Variants in MYO19 observed in about 807,000 individuals in gnomAD.
MYO19 encodes myosin XIX.
Under a neutral mutation model 129.2 loss-of-function variants are expected in MYO19, and 132 were observed. The ratio of observed to expected loss-of-function variants is 1.02; its 90% CI spans 0.89 to 1.18. The LOEUF (loss-of-function observed/expected upper bound fraction) is 1.18. MYO19 is among the 50% of genes most tolerant of loss of function. The pLI is 0.00. For missense variants in MYO19, 1,210 were observed against 1,216.7 expected (o/e 0.99, Z 0.08); for synonymous variants, 531 against 477.2 (o/e 1.11, Z -1.47).
At chr17:36,543,658 CTT>C (rs909416823), upstream of MYO19, among the ~76,000 whole-genome samples, 2 of 152,096 alleles carry the variant, frequency 1.3e-5, no homozygotes, top group African/African-American at 2.4e-5. Flanking sequence ...GAGTTTCGCT[CTT>C]GTTGCCCAGG....
chr17:36,520,294 T>A (rs761880342), intron 6 of MYO19, among the ~76,000 whole-genome samples: 12 of 152,220 alleles, frequency 7.9e-5, no homozygotes, highest in African/African-American at 1.2e-4. Flanking sequence ...TTTTTTCTTA[T>A]ATTTAGTTTT....
At chr17:36,542,881 GA>G (rs373183760) in intron 1 of MYO19, among the ~76,000 whole-genome samples, 60 of 150,616 alleles carry the variant, frequency 4.0e-4, no homozygotes, top group African/African-American at 1.3e-3. Context: ...ACGCCCAGCT[GA>G]TTTTTGTATT....
At chr17:36,528,041 C>T (rs752586812) in intron 4 of MYO19, 23 bp downstream of exon 4, 19 of 1,605,386 alleles carry the variant, frequency 1.2e-5, no homozygotes, top group Non-Finnish European at 1.5e-5. Flanking sequence ...AGATGATACT[C>T]CTGAGGAATG....
At chr17:36,497,034 G>A (rs1450738056) in intron 25 of MYO19, among the ~76,000 whole-genome samples, 1 of 152,040 alleles carries the variant, frequency 6.6e-6, no homozygotes, top group African/African-American at 2.4e-5. Context: ...TTCCCTGGAT[G>A]CTTATATAAA....
intron 11 of MYO19, chr17:36,513,173 C>A: frequency 7.1e-7 from 1 of 1,416,782 alleles, no homozygotes; most frequent in Non-Finnish European, 9.2e-7. Context: ...ACCTTGCTCT[C>A]TGCCCCCATG....
intron 6 of MYO19, among the ~76,000 whole-genome samples, chr17:36,524,450 A>G (rs1409818427): frequency 2.6e-5 from 4 of 152,218 alleles, no homozygotes; most frequent in Non-Finnish European, 5.9e-5. Context: ...GGAAAGGGCG[A>G]GGCAGCTGGG....
intron 6 of MYO19, among the ~76,000 whole-genome samples, chr17:36,516,234 T>A (rs2072739601): frequency 6.7e-6 from 1 of 149,668 alleles, no homozygotes; most frequent in Non-Finnish European, 1.5e-5. Flanking sequence ...GCTTTCTGTG[T>A]ATGTTTTTTT....
At chr17:36,500,986 C>T in intron 22 of MYO19, 27 bp from the exon 23 acceptor site, 3 of 1,607,218 alleles carry the variant, frequency 1.9e-6, no homozygotes, top group Non-Finnish European at 2.6e-6. Flanking sequence ...CCATTGAGGG[C>T]AGCCTCTTCT....
chr17:36,541,161 G>T (rs1027463815), intron 2 of MYO19, among the ~76,000 whole-genome samples: 11 of 151,680 alleles, frequency 7.3e-5, no homozygotes, highest in Non-Finnish European at 1.6e-4. Context: ...TAGCCAAGAT[G>T]GTCTGGATCT....
chr17:36,511,545 C>T (rs2142034231), intron 11 of MYO19, 90 bp from the exon 12 acceptor site: 2 of 1,158,812 alleles, frequency 1.7e-6, no homozygotes, highest in Non-Finnish European at 2.5e-6. Context: ...ACAATCACGA[C>T]AGCAGAAGGG....
intron 19 of MYO19, 81 bp downstream of exon 19, chr17:36,505,216 C>G: frequency 1.6e-6 from 2 of 1,241,326 alleles, no homozygotes; most frequent in Non-Finnish European, 2.4e-6. Context: ...CCATTTGGAA[C>G]AGATGTCCTG....
chr17:36,543,528 C>T (rs190019248), upstream of MYO19: 5 of 152,340 alleles, frequency 3.3e-5, no homozygotes, highest in East Asian at 9.7e-4. Flanking sequence ...ATGTCACCGA[C>T]CCTAACAATG....
chr17:36,524,340 A>T (rs2073330248), intron 6 of MYO19, among the ~76,000 whole-genome samples: 1 of 152,226 alleles, frequency 6.6e-6, no homozygotes. Flanking sequence ...CCAGAAGCCT[A>T]GAACCTGGCA....
At position 36,513,695 on chromosome 17, in the gene MYO19, G is replaced by C; in HGVS notation, c.751C>G (p.Leu251Val). The part of the protein sequence containing the change: ...ICKGASEDER[L>V]QWHLPEGAAF... ...GCTCCCTCAGGAAGGTGCCACTGGAGCCTCTCGTCCTCACTGGCTCCTTTG... is the reference window on the plus strand; with the variant it reads ...GCTCCCTCAGGAAGGTGCCACTGGACCCTCTCGTCCTCACTGGCTCCTTTG... Residue 251 changes from leucine (L) to valine (V), a missense_variant, in exon 10 of 26, where the codon CTC becomes GTC. By Grantham distance (32) the Leu-to-Val change is conservative. Coordinates refer to ENST00000614623, the MANE Select transcript of MYO19 (RefSeq NM_001163735.2). 1.9e-6 allele frequency: 3 copies of C among 1,613,864 alleles called. No individual in the cohort carries two copies. The highest frequency in any genetic ancestry group is 2.5e-6 in the Non-Finnish European group (3 of 1,179,838).
In MYO19 at chr17:36,506,507, T is replaced by C. The variant is rs1233779372; in HGVS notation, c.1746A>G (p.Glu582=). 1.2e-6 allele frequency: 2 copies of C among 1,610,174 alleles called. No individual in the cohort carries two copies. Among genetic ancestry groups the C allele is most frequent in the South Asian group, 2.2e-5 (2 of 90,644 alleles). ...PTNPKEKTQE[E]PPGQSRAPVL... is the part of the protein sequence containing the mutation. The stretch of plus-strand genomic sequence containing the variant: ...CAGGGGCCCTGCTCTGGCCAGGGGG[T>C]TCCTCCTGGGTCTTCTCTTTGGGGT... The change falls in exon 18 of 26, where the codon GAA becomes GAG. Residue 582 remains glutamate, a synonymous_variant. Coordinates refer to ENST00000614623, the MANE Select transcript of MYO19 (RefSeq NM_001163735.2).
rs556263769 is a variant in MYO19 at position 36,496,063 on chromosome 17, A to G, written c.*188T>C. 1 of 864,904 alleles carries G rather than the reference A, an allele frequency of 1.2e-6. No individual in the cohort carries two copies. 53.6% of individuals were successfully genotyped at this position (864,904 alleles called of 1,614,324 possible). On this transcript the variant is annotated 3_prime_UTR_variant, in exon 26 of 26. Transcript: ENST00000614623. ...CCAGCCCTGACACCATCAGTGCTTG[A>G]TGTAGCCTGGAACCCCAGGCCCACT... is the stretch of plus-strand genomic sequence containing the variant.
rs2071194838 is a variant in MYO19, at chr17:36,498,326, G to T, written c.2697C>A (p.Ser899Arg). The T allele has an allele frequency of 2.5e-6, 4 of 1,613,882 alleles. No individual in the cohort carries two copies. Among genetic ancestry groups the T allele is most frequent in the Middle Eastern group, 1.6e-4 (1 of 6,084 alleles). Reference sequence around the variant, plus strand: ...GGTCTTGTGCTGTCTGGACAGTGTAGCTACTGGGGCTGCCCCTGGGGAGCT... The same window carrying T: ...GGTCTTGTGCTGTCTGGACAGTGTATCTACTGGGGCTGCCCCTGGGGAGCT... ...CLQLPRGSPS[S>R]YTVQTAQDQA... The change falls in exon 25 of 26, where the codon AGC (serine) becomes AGA (arginine). Residue 899 changes from serine (S) to arginine (R), a missense_variant. Ser to Arg is a moderately radical substitution (Grantham distance 110). Coordinates refer to ENST00000614623, the MANE Select transcript of MYO19 (RefSeq NM_001163735.2).
Position 36,525,328 on chromosome 17 carries a change from T to C in MYO19, c.314A>G (p.His105Arg). 1 of 1,612,380 alleles carries C rather than the reference T, an allele frequency of 6.2e-7. No homozygotes were observed. The highest frequency in any genetic ancestry group is 8.5e-7 in the Non-Finnish European group (1 of 1,178,584). The change falls in exon 6 of 26, where the codon CAT becomes CGT. Residue 105 changes from histidine (H) to arginine (R), a missense_variant. Transcript: ENST00000614623. Reference sequence around the variant, plus strand: ...GGTCTGTTCACCCACAGTGAACACATGGGGCTTCAGTTTCTGGAACATCAA... The same window carrying C: ...GGTCTGTTCACCCACAGTGAACACACGGGGCTTCAGTTTCTGGAACATCAA... Reference protein sequence around the residue: ...AAPQPQKLKPHVFTVGEQTYR... With the variant: ...AAPQPQKLKPRVFTVGEQTYR...
Position 36,496,411 on chromosome 17 carries a change from A to T in MYO19, c.2758-5T>A, listed in dbSNP as rs751268105. On this transcript the variant is annotated splice_polypyrimidine_tract_variant and splice_region_variant and intron_variant, in intron 25 of 25. Coordinates refer to ENST00000614623, the MANE Select transcript of MYO19 (RefSeq NM_001163735.2). ...GCAGTGAAACTTTATCGATCCCTAGAGGGGAGAGAGAGATGCAGCTTTAGC... is the reference window on the plus strand; with the variant it reads ...GCAGTGAAACTTTATCGATCCCTAGTGGGGAGAGAGAGATGCAGCTTTAGC... 46 of 1,613,824 alleles carry T rather than the reference A, an allele frequency of 2.9e-5. No individual in the cohort carries two copies. Among genetic ancestry groups the T allele is most frequent in the Non-Finnish European group, 3.8e-5 (45 of 1,179,768 alleles).
Sources: allele counts gnomAD v4.1 joint callset (sites outside exome capture counted in the v4.1 genomes callset), GRCh38; gene constraint gnomAD v4.1.1; transcripts MANE v1.5; gene names NCBI Gene and HGNC (gene_info 2026-07-23, HGNC 2026-07-21).